Variants in ANKRD28 observed in about 807,000 individuals in gnomAD.
ANKRD28 encodes the protein serine/threonine-protein phosphatase 6 regulatory ankyrin repeat subunit A.
ANKRD28 carries 44 observed loss-of-function variants against 126.5 expected under a neutral mutation model. The observed-to-expected ratio is 0.35, with a 90% CI of 0.27 to 0.45. The LOEUF (loss-of-function observed/expected upper bound fraction) is 0.45, where lower values mean the gene tolerates loss of function less well. ANKRD28 is among the 20% of genes least tolerant of loss of function. The pLI, the probability that ANKRD28 is intolerant of heterozygous loss-of-function variation, is 1.00. For missense variants in ANKRD28, 1,110 were observed against 1,316.6 expected (o/e 0.84, Z 2.43); for synonymous variants, 442 against 468.5 (o/e 0.94, Z 0.73).
At chr3:15,675,066 T>C (rs966204191) in intron 27 of ANKRD28, among the ~76,000 whole-genome samples, 1 of 152,032 alleles carries the variant, frequency 6.6e-6, no homozygotes, top group African/African-American at 2.4e-5. Flanking sequence ...GGTCAGGGGT[T>C]TGAGACCAGC....
At chr3:15,678,169 A>G (rs2067153207) in intron 24 of ANKRD28, 40 bp downstream of exon 24, 2 of 1,557,300 alleles carry the variant, frequency 1.3e-6, no homozygotes, top group Non-Finnish European at 1.7e-6. Context: ...TAAGTGATAC[A>G]CATACTTAGG....
At chr3:15,709,891 A>G (rs1356645375) in intron 12 of ANKRD28, among the ~76,000 whole-genome samples, 155 bp from the exon 13 acceptor site, 1 of 152,212 alleles carries the variant, frequency 6.6e-6, no homozygotes, top group African/African-American at 2.4e-5. Flanking sequence ...ATTGAAATTC[A>G]TCTTATCTAG....
At chr3:15,775,719 C>T (rs1417235446) in intron 2 of ANKRD28, among the ~76,000 whole-genome samples, 1 of 152,204 alleles carries the variant, frequency 6.6e-6, no homozygotes, top group Non-Finnish European at 1.5e-5. Flanking sequence ...AGGCACACAG[C>T]TTCCACGGAA....
intron 3 of ANKRD28, among the ~76,000 whole-genome samples, chr3:15,760,239 C>A (rs1331689990): frequency 6.6e-6 from 1 of 152,118 alleles, no homozygotes; most frequent in Non-Finnish European, 1.5e-5. Context: ...ATAATGGGAA[C>A]TAGGCTTAAT....
chr3:15,707,384 T>C (rs2071599667), intron 14 of ANKRD28, among the ~76,000 whole-genome samples: 1 of 152,220 alleles, frequency 6.6e-6, no homozygotes, highest in South Asian at 2.1e-4. Context: ...TGGCCAACAT[T>C]TACTTATTCT....
intron 18 of ANKRD28, 38 bp from the exon 19 acceptor site, chr3:15,686,347 T>A: frequency 7.0e-7 from 1 of 1,436,520 alleles, no homozygotes; most frequent in East Asian, 2.5e-5. Context: ...TAATTACATA[T>A]AATGATAAAA....
intron 4 of ANKRD28, among the ~76,000 whole-genome samples, chr3:15,744,473 CTT>C (rs551103706): frequency 4.4e-5 from 6 of 137,216 alleles, no homozygotes; most frequent in Non-Finnish European, 4.7e-5. Flanking sequence ...CCAAACCTGG[CTT>C]TTTTTTTTTT....
intron 1 of ANKRD28, among the ~76,000 whole-genome samples, chr3:15,836,796 G>T (rs1247420858): frequency 6.6e-6 from 1 of 152,128 alleles, no homozygotes; most frequent in African/African-American, 2.4e-5. Flanking sequence ...GAGCTAACAG[G>T]CCAGGCGTGG....
At chr3:15,712,473 A>T (rs1415394919) in intron 10 of ANKRD28, among the ~76,000 whole-genome samples, 2 of 152,204 alleles carry the variant, frequency 1.3e-5, no homozygotes, top group East Asian at 3.8e-4. Context: ...GTGAGAAGCC[A>T]TTCTGTGCAT....
chr3:15,796,997 A>G lies in ANKRD28; in HGVS notation c.-476T>C. 1 of 985,374 alleles carries G rather than the reference A, an allele frequency of 1.0e-6. No individual in the cohort carries two copies. The highest frequency in any genetic ancestry group is 1.2e-6 in the Non-Finnish European group (1 of 829,910). 61.0% of individuals were successfully genotyped at this position (985,374 alleles called of 1,614,324 possible). A position where few individuals can be genotyped will look rare whatever the true frequency, so the allele number is the denominator to read the frequency against. On this transcript the variant is annotated 5_prime_UTR_variant, in exon 1 of 28. Transcript: ENST00000683139. Reference sequence around the variant, plus strand: ...CCCACTCTTGCCTGCAAGGTCATATAGTTACCAGTAGCTGTTTTGCTTATA... The same window carrying G: ...CCCACTCTTGCCTGCAAGGTCATATGGTTACCAGTAGCTGTTTTGCTTATA...
At chr3:15,706,528 T>C (rs2071442153) in intron 14 of ANKRD28, among the ~76,000 whole-genome samples, 1 of 152,160 alleles carries the variant, frequency 6.6e-6, no homozygotes, top group Non-Finnish European at 1.5e-5. Context: ...TTTGCTATTG[T>C]GAATAGTGTC....
Position 15,831,443 on chromosome 3 carries a change from G to A in ANKRD28, c.27+27934C>T, listed in dbSNP as rs551834272. On this transcript the variant is annotated intron_variant, in intron 1 of 27. Transcript: ENST00000399451. ...AAATGATTCTTTGTTATAGAGGAACGTCCTGTCCACAGTAGGATGTTTAGC... is the reference window on the plus strand; with the variant it reads ...AAATGATTCTTTGTTATAGAGGAACATCCTGTCCACAGTAGGATGTTTAGC... Among the ~76,000 whole-genome samples, 31 of 152,306 alleles carry A rather than the reference G, an allele frequency of 2.0e-4. No homozygotes were observed. The South Asian group carries it at 5.4e-3, about 26-fold the overall frequency.
At chr3:15,749,888 C>T (rs985821412) in intron 4 of ANKRD28, among the ~76,000 whole-genome samples, 1 of 152,154 alleles carries the variant, frequency 6.6e-6, no homozygotes, top group Non-Finnish European at 1.5e-5. Flanking sequence ...AGCACCTGCT[C>T]CAGTGGAGGT....
chr3:15,730,109 GC>G (rs2074471289), intron 6 of ANKRD28, among the ~76,000 whole-genome samples: 1 of 152,112 alleles, frequency 6.6e-6, no homozygotes. Context: ...TCCCACCTCA[GC>G]CTCCCAAGTT....
In ANKRD28 at chr3:15,711,269, C is replaced by T; in HGVS notation, c.1279G>A (p.Asp427Asn). Residue 427 changes from aspartate to asparagine, a missense_variant, in exon 12 of 28, where the codon GAT becomes AAT. Physicochemically the swap from Asp to Asn is conservative, Grantham distance 23 (BLOSUM62 1). Transcript: ENST00000683139. Reference sequence around the variant, plus strand: ...CCAAAATCATCTGGGGTATCTATATCAAATCCTACAAGAATGAATACATCT... The same window carrying T: ...CCAAAATCATCTGGGGTATCTATATTAAATCCTACAAGAATGAATACATCT... ...CCRKLLSSGF[D>N]IDTPDDFGRT... 1 of 1,610,028 alleles carries T rather than the reference C, an allele frequency of 6.2e-7. No individual in the cohort carries two copies. The highest frequency in any genetic ancestry group is 1.7e-5 in the Admixed American group (1 of 59,872).
rs2060841677 is a variant in ANKRD28 at position 15,816,851 on chromosome 3, G to A, written c.28-21545C>T. ...GAGAGTAAATATGTGCATAGGTTGT[G>A]CATAGATTAATCATAGAGTTAAAAC... On this transcript the variant is annotated intron_variant, in intron 1 of 27. Transcript: ENST00000399451. This position sits in a 1 kb window ranked among gnomAD's most constrained non-coding sequence, Gnocchi z 5.0. 6.6e-6 allele frequency among the ~76,000 whole-genome samples: 1 copy of A among 152,152 alleles called. No individual in the cohort carries two copies. Among genetic ancestry groups the A allele is most frequent in the African/African-American group, 2.4e-5 (1 of 41,422 alleles).
chr3:15,753,605 G>A (rs1281443518), intron 3 of ANKRD28, among the ~76,000 whole-genome samples: 1 of 152,124 alleles, frequency 6.6e-6, no homozygotes, highest in Non-Finnish European at 1.5e-5. Context: ...TAAGAAATGA[G>A]GTCTCATGAG....
Position 15,670,426 on chromosome 3 carries a change from A to G in ANKRD28, c.3096T>C (p.Arg1032=), listed in dbSNP as rs772854817. ...TGACTGTTTTTGAGGTGTTGGTATA[A>G]CGGTTAATGGCATTGAATGTTAAGG... ...LSSLTFNAIN[R]YTNTSKTVSF... is the part of the protein sequence containing the mutation. Residue 1032 remains arginine (R), a synonymous_variant, in exon 28 of 28, where the codon CGT becomes CGC. Transcript: ENST00000683139. The G allele has an allele frequency of 6.2e-7, 1 of 1,613,994 alleles. No homozygotes were observed. Among genetic ancestry groups the G allele is most frequent in the East Asian group, 2.2e-5 (1 of 44,886 alleles).
rs548272291 is a variant in ANKRD28, at chr3:15,777,566, A to C, written c.202-11254T>G. On this transcript the variant is annotated intron_variant, in intron 2 of 27. Transcript: ENST00000683139. ...TTTGTAACTGTTATTTATTTCTCATATACAAAGACACATGTGTTCTAAATG... is the reference window on the plus strand; with the variant it reads ...TTTGTAACTGTTATTTATTTCTCATCTACAAAGACACATGTGTTCTAAATG... Among the ~76,000 whole-genome samples the C allele has an allele frequency of 1.2e-4, 19 of 152,170 alleles. 1 individual carries two copies. The highest frequency in any genetic ancestry group is 4.1e-4 in the South Asian group (2 of 4,828).
Sources: allele counts gnomAD v4.1 joint callset (sites outside exome capture counted in the v4.1 genomes callset), GRCh38; gene constraint gnomAD v4.1.1; non-coding constraint Gnocchi (gnomAD v3.1); transcripts MANE v1.5; gene names NCBI Gene and HGNC (gene_info 2026-07-23, HGNC 2026-07-21).